The following G2E3 variants were observed in gnomAD, a reference collection of about 807,000 sequenced individuals.
G2E3 encodes the protein G2/M-phase specific E3 ubiquitin protein ligase, also known as G2/M phase-specific E3 ubiquitin-protein ligase.
Under a neutral mutation model 92.8 loss-of-function variants are expected in G2E3, and 35 were observed. The observed-to-expected ratio is 0.38, with a 90% confidence interval of 0.29 to 0.50. The LOEUF is 0.50. G2E3 is among the 20% of genes least tolerant of loss of function. G2E3 has a pLI of 0.94. For missense variants in G2E3, 554 were observed against 823.8 expected (o/e 0.67, Z 4.01); for synonymous variants, 242 against 272.4 (o/e 0.89, Z 1.10).
At chr14:30,581,461 C>A (rs1029461086) in intron 2 of G2E3, among the ~76,000 whole-genome samples, 4 of 152,220 alleles carry the variant, frequency 2.6e-5, no homozygotes, top group African/African-American at 9.6e-5. Context: ...AATTCCAGCA[C>A]TTTACGAGGC....
intron 7 of G2E3, 23 bp downstream of exon 7, chr14:30,597,549 A>T: frequency 8.7e-7 from 1 of 1,144,262 alleles, no homozygotes; most frequent in Non-Finnish European, 1.3e-6. Context: ...TAGCCTTATG[A>T]TAAAAAAAAG....
intron 1 of G2E3, among the ~76,000 whole-genome samples, chr14:30,567,993 A>G (rs577150075): frequency 6.6e-6 from 1 of 152,204 alleles, no homozygotes; most frequent in East Asian, 1.9e-4. Flanking sequence ...TTTGAGAAGA[A>G]TGTTTCATTC....
At chr14:30,568,387 G>T in intron 1 of G2E3, among the ~76,000 whole-genome samples, 1 of 152,040 alleles carries the variant, frequency 6.6e-6, no homozygotes, top group East Asian at 1.9e-4. Flanking sequence ...TTTAATTGGA[G>T]CGTGTAATTC....
intron 12 of G2E3, among the ~76,000 whole-genome samples, chr14:30,608,586 T>G (rs1357400735): frequency 6.6e-6 from 1 of 152,246 alleles, no homozygotes; most frequent in African/African-American, 2.4e-5. Flanking sequence ...GAGGACTTAA[T>G]GCGTCCGCCT....
Position 30,619,249 on chromosome 14 carries a change from T to G in G2E3, c.*2715T>G, listed in dbSNP as rs1882453823. 1 of 152,092 alleles carries G rather than the reference T, an allele frequency of 6.6e-6. No individual in the cohort carries two copies. Among genetic ancestry groups the G allele is most frequent in the African/African-American group, 2.4e-5 (1 of 41,456 alleles). The allele number at this position is 152,092 out of a possible 1,614,324, so 9.4% of individuals were successfully genotyped here. ...TGATTACCAGCATGAGAATTCACCTTGGTTTCTATTTTATGCATTTGTAAA... is the reference window on the plus strand; with the variant it reads ...TGATTACCAGCATGAGAATTCACCTGGGTTTCTATTTTATGCATTTGTAAA... On this transcript the variant is annotated 3_prime_UTR_variant, in exon 15 of 15. Transcript: ENST00000206595.
intron 4 of G2E3, 110 bp from the exon 5 acceptor site, chr14:30,592,213 T>C: frequency 4.2e-6 from 4 of 948,924 alleles, no homozygotes. Flanking sequence ...AGCTGTTACA[T>C]GATGAAATAA....
rs1436436023 is a variant in G2E3 at position 30,619,114 on chromosome 14, T to C, written c.*2580T>C. The C allele has an allele frequency of 2.0e-5, 3 of 152,112 alleles. No individual in the cohort carries two copies. The highest frequency in any genetic ancestry group is 7.2e-5 in the African/African-American group (3 of 41,448). 9.4% of individuals were successfully genotyped at this position (152,112 alleles called of 1,614,324 possible). A position where few individuals can be genotyped will look rare whatever the true frequency, so the allele number is the denominator to read the frequency against. On this transcript the variant is annotated 3_prime_UTR_variant, in exon 15 of 15. Coordinates refer to ENST00000206595, the MANE Select transcript of G2E3 (RefSeq NM_017769.5). ...ATACAATTCTCTACTATTCAAGATA[T>C]TCTTTAAAATATCTCACCAGAAACT...
At chr14:30,559,809 C>T (rs568814980) in intron 1 of G2E3, 1 of 152,296 alleles carries the variant, frequency 6.6e-6, no homozygotes, top group Admixed American at 6.5e-5. Flanking sequence ...TTTGAAATGC[C>T]TGAGTGGGAT....
chr14:30,605,386 G>A (rs1477104634), intron 10 of G2E3, 119 bp from the exon 11 acceptor site: 2 of 462,848 alleles, frequency 4.3e-6, no homozygotes, highest in Non-Finnish European at 7.7e-6. Flanking sequence ...GTGGGAATTG[G>A]GGAAGAATAT....
rs771930939 is a variant in G2E3 at position 30,612,422 on chromosome 14, T to C, written c.1673+43T>C. On this transcript the variant is annotated intron_variant, in intron 13 of 14. Transcript: ENST00000206595. ...ATATATGGCTCTTTCAAATTACATG[T>C]TTAAAGTGGTTAATTATCTTGTAAT... 1.3e-5 allele frequency: 15 copies of C among 1,187,938 alleles called. No individual in the cohort carries two copies. In the African/African-American group the frequency reaches 2.1e-4, roughly 17 times the overall value. The allele number at this position is 1,187,938 out of a possible 1,614,324, so 73.6% of individuals were successfully genotyped here.
At chr14:30,614,789 C>A (rs1008193494) in intron 13 of G2E3, among the ~76,000 whole-genome samples, 1 of 152,166 alleles carries the variant, frequency 6.6e-6, no homozygotes, top group Non-Finnish European at 1.5e-5. Flanking sequence ...TTGTTACTTG[C>A]ATTTCTTTTG....
At chr14:30,596,090 C>T (rs1566542811) in intron 6 of G2E3, among the ~76,000 whole-genome samples, 1 of 112,820 alleles carries the variant, frequency 8.9e-6, no homozygotes, top group Non-Finnish European at 1.7e-5. Context: ...TTTCAATAAC[C>T]TGTTGTTTCC....
intron 6 of G2E3, among the ~76,000 whole-genome samples, chr14:30,595,902 C>T (rs1881256405): frequency 6.6e-6 from 1 of 152,122 alleles, no homozygotes; most frequent in Non-Finnish European, 1.5e-5. Context: ...ACAGAATTGT[C>T]ACTATTTTTG....
intron 4 of G2E3, 109 bp downstream of exon 4, chr14:30,589,593 C>A: frequency 1.6e-6 from 1 of 620,028 alleles, no homozygotes; most frequent in Non-Finnish European, 2.9e-6. Flanking sequence ...TTATAGGTTT[C>A]AATGCATATT....
At chr14:30,563,946 T>C (rs892728400) in intron 1 of G2E3, among the ~76,000 whole-genome samples, 5 of 152,196 alleles carry the variant, frequency 3.3e-5, no homozygotes, top group Non-Finnish European at 1.5e-5. Context: ...CTCAAATTCC[T>C]GACCTCAAGG....
At chr14:30,579,579 G>A (rs1295630121) in intron 1 of G2E3, among the ~76,000 whole-genome samples, 2 of 152,170 alleles carry the variant, frequency 1.3e-5, no homozygotes, top group Admixed American at 1.3e-4. Flanking sequence ...ATTTTGTGGT[G>A]TCTTAGATTT....
rs890417016 is a variant in G2E3 at position 30,590,047 on chromosome 14, A to T, written c.237+563A>T. ...ACTTTAACTCCTTGCTCATTCAGTT[A>T]TCATTTGTGCATCTTCTATATAACA... On this transcript the variant is annotated intron_variant, in intron 4 of 14. Transcript: ENST00000206595. 2.0e-5 allele frequency among the ~76,000 whole-genome samples: 3 copies of T among 152,126 alleles called. No homozygotes were observed. The South Asian group carries it at 6.2e-4, about 32-fold the overall frequency.
At chr14:30,608,570 A>G (rs925504294) in intron 12 of G2E3, among the ~76,000 whole-genome samples, 1 of 152,230 alleles carries the variant, frequency 6.6e-6, no homozygotes, top group Non-Finnish European at 1.5e-5. Context: ...AGTGGTAGGG[A>G]TCGGGGAGGA....
In G2E3 at chr14:30,618,959, G is replaced by A. The variant is rs1404073893; in HGVS notation, c.*2425G>A. On this transcript the variant is annotated 3_prime_UTR_variant, in exon 15 of 15. Transcript: ENST00000206595. ...CCTAAATGTTGTATATTTTAAGGCT[G>A]TTTTCTCTTGCTCTTAATGTTGAGG... 1 of 151,964 alleles carries A rather than the reference G, an allele frequency of 6.6e-6. No homozygotes were observed. Among genetic ancestry groups the A allele is most frequent in the Admixed American group, 6.5e-5 (1 of 15,274 alleles). The allele number at this position is 151,964 out of a possible 1,614,324, so 9.4% of individuals were successfully genotyped here. A position where few individuals can be genotyped will look rare whatever the true frequency, so the allele number is the denominator to read the frequency against.
Sources: allele counts gnomAD v4.1 joint callset (sites outside exome capture counted in the v4.1 genomes callset), GRCh38; gene constraint gnomAD v4.1.1; transcripts MANE v1.5; gene names NCBI Gene and HGNC (gene_info 2026-07-23, HGNC 2026-07-21).